STXBP3: variants seen among roughly 807,000 people sequenced by gnomAD.
The protein encoded by STXBP3 is syntaxin binding protein 3.
STXBP3 carries 41 observed loss-of-function variants against 85.7 expected under a neutral mutation model. That is an observed-to-expected ratio of 0.48 (90% CI 0.37 to 0.62). STXBP3 has a LOEUF of 0.62. STXBP3 is among the 20% of genes least tolerant of loss of function. The probability of loss-of-function intolerance (pLI) is 0.00; values close to 1 mark genes in which losing one functional copy is unlikely to be tolerated. For missense variants in STXBP3, 563 were observed against 703.1 expected (o/e 0.80, Z 2.25); for synonymous variants, 229 against 231.7 (o/e 0.99, Z 0.10).
intron 6 of STXBP3, among the ~76,000 whole-genome samples, chr1:108,772,385 TGTATATATAAATAC>T (rs1360953143): frequency 4.9e-5 from 2 of 41,196 alleles, no homozygotes; most frequent in South Asian, 5.9e-4. Flanking sequence ...ATATGATATC[TGTATATATAAATAC>T]ATATGATATC....
chr1:108,789,964 G>C (rs1662942044), intron 11 of STXBP3, among the ~76,000 whole-genome samples: 2 of 146,276 alleles, frequency 1.4e-5, no homozygotes, highest in African/African-American at 5.1e-5. Flanking sequence ...TACTCAGGAG[G>C]CTGGGCAACA....
At chr1:108,807,089 T>A (rs1663352390) in intron 17 of STXBP3, among the ~76,000 whole-genome samples, 1 of 151,988 alleles carries the variant, frequency 6.6e-6, no homozygotes, top group Admixed American at 6.6e-5. Context: ...CTGTCTCTAC[T>A]AAAAATACAA....
chr1:108,764,968 A>G (rs1180501208), intron 6 of STXBP3, among the ~76,000 whole-genome samples: 1 of 152,154 alleles, frequency 6.6e-6, no homozygotes, highest in Non-Finnish European at 1.5e-5. Flanking sequence ...CTACGTCCAG[A>G]ATGGTACTGC....
At chr1:108,782,189 A>G (rs1662727715) in intron 9 of STXBP3, 1 of 402,030 alleles carries the variant, frequency 2.5e-6, no homozygotes, top group Non-Finnish European at 4.4e-6. Context: ...AAACTCTAAT[A>G]ATGGCACCTA....
intron 17 of STXBP3, among the ~76,000 whole-genome samples, chr1:108,806,469 A>G (rs1412900619): frequency 6.6e-6 from 1 of 152,132 alleles, no homozygotes; most frequent in Non-Finnish European, 1.5e-5. Flanking sequence ...TACTTACCCA[A>G]CACCAGATTC....
intron 6 of STXBP3, among the ~76,000 whole-genome samples, chr1:108,770,899 T>C (rs1662378248): frequency 6.6e-6 from 1 of 152,150 alleles, no homozygotes; most frequent in Non-Finnish European, 1.5e-5. Flanking sequence ...ATTTATATTA[T>C]GTCTAGCACA....
chr1:108,792,101 T>A (rs901994833), intron 11 of STXBP3, among the ~76,000 whole-genome samples: 2 of 152,220 alleles, frequency 1.3e-5, no homozygotes, highest in Admixed American at 6.5e-5. Flanking sequence ...AATATTCACC[T>A]TCTTCATATC....
At chr1:108,798,362 T>A in intron 16 of STXBP3, 125 bp downstream of exon 16, 1 of 512,316 alleles carries the variant, frequency 2.0e-6, no homozygotes, top group Non-Finnish European at 3.3e-6. Context: ...GTTGGAGGCT[T>A]CACAAAAAAG....
At chr1:108,748,556 G>A (rs72697129) in intron 1 of STXBP3, among the ~76,000 whole-genome samples, 160 of 151,814 alleles carry the variant, frequency 1.1e-3, no homozygotes, top group Non-Finnish European at 2.0e-3. Flanking sequence ...GTAAGCCCGG[G>A]CACAGTGGCT....
rs200665772 is a variant in STXBP3 at position 108,776,313 on chromosome 1, A to G, written c.594-20A>G. The G allele has an allele frequency of 1.3e-6, 2 of 1,555,504 alleles. No homozygotes were observed. The highest frequency in any genetic ancestry group is 1.8e-6 in the Non-Finnish European group (2 of 1,138,786). ...ACACTGAAAGAAAGATAATTGTTTG[A>G]TCCTTTTTTCCATTTCTAGTAAACC... On this transcript the variant is annotated intron_variant, in intron 7 of 18. Transcript: ENST00000370008.
At chr1:108,758,982 C>T (rs1241319185) in intron 5 of STXBP3, 1 of 152,354 alleles carries the variant, frequency 6.6e-6, no homozygotes, top group South Asian at 2.1e-4. Context: ...AAACAAAGAC[C>T]TTTTGAGAGG....
chr1:108,805,115 TA>T (rs1398344241), intron 17 of STXBP3, among the ~76,000 whole-genome samples: 3 of 152,194 alleles, frequency 2.0e-5, no homozygotes, highest in Non-Finnish European at 4.4e-5. Flanking sequence ...TGAAACAAAT[TA>T]AATATAATCC....
Position 108,782,419 on chromosome 1 carries a change from T to C in STXBP3, c.810-3T>C, listed in dbSNP as rs751774926. On this transcript the variant is annotated splice_region_variant and splice_polypyrimidine_tract_variant and intron_variant, in intron 9 of 18. Transcript: ENST00000370008. The stretch of plus-strand genomic sequence containing the variant: ...AAGTTTTAGTGCTTCTGTCTACTTG[T>C]AGATATAAAACAGATGGAAAAGAAA... 1.9e-6 allele frequency: 3 copies of C among 1,603,848 alleles called. No homozygotes were observed. The highest frequency in any genetic ancestry group is 1.7e-6 in the Non-Finnish European group (2 of 1,175,256).
chr1:108,768,110 AC>A (rs1489354456), intron 6 of STXBP3, among the ~76,000 whole-genome samples: 1 of 152,224 alleles, frequency 6.6e-6, no homozygotes, highest in Non-Finnish European at 1.5e-5. Flanking sequence ...GTAGTCGGCC[AC>A]AAAAGGAGGG....
intron 7 of STXBP3, among the ~76,000 whole-genome samples, chr1:108,775,885 G>T (rs904500557): frequency 6.6e-6 from 1 of 151,474 alleles, no homozygotes; most frequent in African/African-American, 2.4e-5. Flanking sequence ...GAATAAATCC[G>T]ATATGTGTGT....
intron 5 of STXBP3, among the ~76,000 whole-genome samples, chr1:108,759,680 A>T (rs1487596535): frequency 1.3e-5 from 2 of 152,174 alleles, no homozygotes; most frequent in African/African-American, 4.8e-5. Flanking sequence ...GCTGTTTGTT[A>T]AGTCATAAGT....
At chr1:108,786,714 T>C (rs1303952632) in intron 11 of STXBP3, among the ~76,000 whole-genome samples, 2 of 152,226 alleles carry the variant, frequency 1.3e-5, no homozygotes, top group African/African-American at 4.8e-5. Context: ...AATTTGGTAG[T>C]ATAAGTCTTC....
At chr1:108,773,835 CTT>C (rs909853525) in intron 7 of STXBP3, among the ~76,000 whole-genome samples, 1 of 150,092 alleles carries the variant, frequency 6.7e-6, no homozygotes, top group African/African-American at 2.4e-5. Context: ...AGCCAGGAAT[CTT>C]TTTTTTTTCC....
intron 11 of STXBP3, among the ~76,000 whole-genome samples, chr1:108,785,695 C>G (rs1289083297): frequency 1.3e-5 from 2 of 152,126 alleles, no homozygotes; most frequent in Non-Finnish European, 2.9e-5. Flanking sequence ...AACTTTTATG[C>G]TCTGTCACCT....
Sources: allele counts gnomAD v4.1 joint callset (sites outside exome capture counted in the v4.1 genomes callset), GRCh38; gene constraint gnomAD v4.1.1; transcripts MANE v1.5; gene names NCBI Gene and HGNC (gene_info 2026-07-23, HGNC 2026-07-21).